Variants in NOL4 observed in about 807,000 individuals in gnomAD.
NOL4 encodes the protein cancer/testis antigen 125.
NOL4 carries 17 observed loss-of-function variants against 75.9 expected under a neutral mutation model. The ratio of observed to expected loss-of-function variants is 0.22; its 90% CI spans 0.15 to 0.34. NOL4 has a LOEUF of 0.34. Ranked by LOEUF, NOL4 falls within the 10% of genes least tolerant of loss-of-function variation. The pLI, the probability that NOL4 is intolerant of heterozygous loss-of-function variation, is 1.00. For missense variants in NOL4, 614 were observed against 793.5 expected, an observed-to-expected ratio of 0.77 and a Z score of 2.72; for synonymous variants, 292 against 289.9, an observed-to-expected ratio of 1.01 and a Z score of -0.07.
At chr18:34,086,524 T>C (rs2078250732) in intron 5 of NOL4, among the ~76,000 whole-genome samples, 1 of 152,094 alleles carries the variant, frequency 6.6e-6, no homozygotes, top group African/African-American at 2.4e-5. Flanking sequence ...GTATACTGTT[T>C]TACATCACTT....
intron 9 of NOL4, among the ~76,000 whole-genome samples, chr18:33,917,370 A>G (rs1287103609): frequency 5.9e-5 from 9 of 152,128 alleles, no homozygotes; most frequent in Non-Finnish European, 1.3e-4. Flanking sequence ...GATCTCAGGA[A>G]TCCACATAAA....
chr18:33,873,201 C>T (rs2063779562), intron 10 of NOL4, among the ~76,000 whole-genome samples: 1 of 151,914 alleles, frequency 6.6e-6, no homozygotes, highest in Admixed American at 6.6e-5. Flanking sequence ...TACTTTTAGG[C>T]TATACTCTAT....
chr18:33,995,722 A>G (rs1294558397), intron 6 of NOL4, among the ~76,000 whole-genome samples: 1 of 151,764 alleles, frequency 6.6e-6, no homozygotes, highest in Non-Finnish European at 1.5e-5. Context: ...ATTTCTACAT[A>G]TTTTTGAGTT....
At chr18:33,862,981 T>C (rs2063231691) in intron 10 of NOL4, among the ~76,000 whole-genome samples, 1 of 152,220 alleles carries the variant, frequency 6.6e-6, no homozygotes. Flanking sequence ...CGTATGTTTA[T>C]TGCGGCACTG....
chr18:33,921,549 T>G (rs758596927), intron 9 of NOL4, among the ~76,000 whole-genome samples: 2 of 152,042 alleles, frequency 1.3e-5, no homozygotes, highest in Non-Finnish European at 2.9e-5. Context: ...CAAAATAACT[T>G]GTATTCTTTT....
At chr18:34,018,135 A>G (rs1279834755) in intron 6 of NOL4, among the ~76,000 whole-genome samples, 1 of 152,218 alleles carries the variant, frequency 6.6e-6, no homozygotes, top group African/African-American at 2.4e-5. Context: ...TTTAAACTTC[A>G]TAAAGACAGG....
chr18:33,884,289 T>C (rs1455442088), intron 9 of NOL4, among the ~76,000 whole-genome samples: 2 of 152,092 alleles, frequency 1.3e-5, no homozygotes, highest in Non-Finnish European at 2.9e-5. Context: ...TTTCTCTTTT[T>C]ATTATTTTGT....
chr18:33,983,251 G>A (rs1301289437), intron 6 of NOL4, among the ~76,000 whole-genome samples: 1 of 152,056 alleles, frequency 6.6e-6, no homozygotes, highest in African/African-American at 2.4e-5. Context: ...TATTTTATAT[G>A]ATACTATAAT....
chr18:34,079,857 A>G (rs1202676066), intron 5 of NOL4, among the ~76,000 whole-genome samples: 1 of 152,230 alleles, frequency 6.6e-6, no homozygotes, highest in Non-Finnish European at 1.5e-5. Context: ...ATGGTTTTAA[A>G]GATATATAAC....
rs190060859 is a variant in NOL4 at position 33,878,497 on chromosome 18, C to T, written c.1723+4747G>A. ...TTAGGTTAATTCTCTACAGTCAATG[C>T]CTTAAATTTTTAAGTTTTAAACAAG... On this transcript the variant is annotated intron_variant, in intron 10 of 10. Transcript: ENST00000261592. Among the ~76,000 whole-genome samples, 715 of 152,080 alleles carry T rather than the reference C, an allele frequency of 4.7e-3. 3 individuals carry two copies. The highest frequency in any genetic ancestry group is 6.8e-3 in the Non-Finnish European group (465 of 67,966).
chr18:33,930,944 A>C (rs975331704), intron 9 of NOL4, among the ~76,000 whole-genome samples: 3 of 152,156 alleles, frequency 2.0e-5, no homozygotes, highest in African/African-American at 7.2e-5. Flanking sequence ...ATTGCCATTG[A>C]TACTTAATTG....
intron 6 of NOL4, among the ~76,000 whole-genome samples, chr18:34,008,600 T>C (rs1050111626): frequency 5.9e-5 from 9 of 152,002 alleles, no homozygotes; most frequent in Admixed American, 1.3e-4. Context: ...GTTTGCACAT[T>C]GTGATTTGAG....
At chr18:33,872,787 T>C (rs563439236) in intron 10 of NOL4, among the ~76,000 whole-genome samples, 2 of 152,116 alleles carry the variant, frequency 1.3e-5, no homozygotes, top group African/African-American at 2.4e-5. Context: ...TAATGTTAGA[T>C]GGCACAGGCC....
At chr18:33,928,917 A>G (rs1599899855) in intron 9 of NOL4, among the ~76,000 whole-genome samples, 1 of 152,198 alleles carries the variant, frequency 6.6e-6, no homozygotes, top group South Asian at 2.1e-4. Context: ...CCCTGTAACC[A>G]TAAGATTATT....
At chr18:33,906,394 T>C (rs1432426596) in intron 9 of NOL4, among the ~76,000 whole-genome samples, 1 of 152,200 alleles carries the variant, frequency 6.6e-6, no homozygotes, top group East Asian at 1.9e-4. Flanking sequence ...TAGTCCACCA[T>C]GTTCTTAGTT....
intron 6 of NOL4, among the ~76,000 whole-genome samples, chr18:33,977,859 G>GT (rs1291486483): frequency 1.3e-5 from 2 of 152,106 alleles, no homozygotes; most frequent in Non-Finnish European, 2.9e-5. Context: ...AGTTTAACAT[G>GT]TTTTCCCTGA....
intron 5 of NOL4, among the ~76,000 whole-genome samples, chr18:34,028,805 T>G (rs2075482544): frequency 6.6e-6 from 1 of 152,182 alleles, no homozygotes; most frequent in South Asian, 2.1e-4. Context: ...CTAACTTCGT[T>G]AGTAGCTGCA....
chr18:34,086,207 G>A (rs967064261), intron 5 of NOL4, among the ~76,000 whole-genome samples: 1 of 152,110 alleles, frequency 6.6e-6, no homozygotes, highest in Admixed American at 6.6e-5. Flanking sequence ...GTCCAGAAGT[G>A]TATGCAAATT....
chr18:34,018,417 A>G lies in NOL4; in HGVS notation c.1056+901T>C, dbSNP rs1600267102. Among the ~76,000 whole-genome samples, 19 of 152,302 alleles carry G rather than the reference A, an allele frequency of 1.2e-4. No individual in the cohort carries two copies. The South Asian group carries it at 3.9e-3, about 32-fold the overall frequency. On this transcript the variant is annotated intron_variant, in intron 6 of 10. Coordinates refer to ENST00000261592, the MANE Select transcript of NOL4 (RefSeq NM_003787.5). ...CCCAGGCAAGCCAGAAGATTTAAAT[A>G]GAGCCAATTTAGGAAGCATAATGCC...
Sources: allele counts gnomAD v4.1 joint callset (sites outside exome capture counted in the v4.1 genomes callset), GRCh38; gene constraint gnomAD v4.1.1; transcripts MANE v1.5; gene names NCBI Gene and HGNC (gene_info 2026-07-23, HGNC 2026-07-21).